SPATA16: variants seen among roughly 807,000 people sequenced by gnomAD.
SPATA16 encodes the protein spermatogenesis associated 16.
In SPATA16, 36 loss-of-function variants were observed where a neutral mutation model predicts 63.3. The observed-to-expected ratio is 0.57, with a 90% CI of 0.44 to 0.75. The LOEUF (loss-of-function observed/expected upper bound fraction) is 0.75. Ranked by LOEUF, SPATA16 falls within the 30% of genes least tolerant of loss-of-function variation. SPATA16 has a pLI of 0.00. For missense variants in SPATA16, 646 were observed against 679.3 expected, an observed-to-expected ratio of 0.95 and a Z score of 0.54; for synonymous variants, 203 against 216.7, an observed-to-expected ratio of 0.94 and a Z score of 0.56.
chr3:172,983,003 T>C (rs1256308720), intron 4 of SPATA16, among the ~76,000 whole-genome samples: 1 of 152,206 alleles, frequency 6.6e-6, no homozygotes, highest in African/African-American at 2.4e-5. Context: ...CCTTGAAAAG[T>C]CATTCCGTTC....
At chr3:173,119,860 G>T (rs1738010644) in intron 1 of SPATA16, among the ~76,000 whole-genome samples, 1 of 130,220 alleles carries the variant, frequency 7.7e-6, no homozygotes. Flanking sequence ...GGCCAAGGCA[G>T]GTGGATCATC....
intron 3 of SPATA16, among the ~76,000 whole-genome samples, chr3:173,023,749 T>C (rs1735389216): frequency 6.6e-6 from 1 of 151,620 alleles, no homozygotes; most frequent in Non-Finnish European, 1.5e-5. Context: ...TTTTAACTTT[T>C]TTAAAAAAAC....
intron 4 of SPATA16, among the ~76,000 whole-genome samples, chr3:172,983,842 G>A (rs915343082): frequency 2.4e-4 from 36 of 151,874 alleles, no homozygotes; most frequent in Non-Finnish European, 1.5e-4. Flanking sequence ...TTCCAAAAAC[G>A]TAAAGGAAAA....
intron 6 of SPATA16, among the ~76,000 whole-genome samples, chr3:172,952,801 AT>A (rs1036997345): frequency 3.3e-5 from 5 of 152,106 alleles, no homozygotes; most frequent in Admixed American, 3.3e-4. Context: ...TTAACTAGGC[AT>A]GGTGGCGTGC....
chr3:173,034,993 T>C (rs1161556732), intron 3 of SPATA16, among the ~76,000 whole-genome samples: 1 of 152,184 alleles, frequency 6.6e-6, no homozygotes, highest in African/African-American at 2.4e-5. Flanking sequence ...TCTCAACCTG[T>C]TGTGACTTGC....
chr3:173,044,665 A>G (rs1319710588), intron 3 of SPATA16, among the ~76,000 whole-genome samples: 6 of 151,980 alleles, frequency 3.9e-5, no homozygotes, highest in African/African-American at 1.2e-4. Flanking sequence ...ACTTCTTTGC[A>G]TGTGTGGTAA....
chr3:173,028,078 T>TTCCTTCCTTCCTTCCTTC (rs1560101151), intron 3 of SPATA16, among the ~76,000 whole-genome samples: 3 of 71,702 alleles, frequency 4.2e-5, no homozygotes, highest in Non-Finnish European at 8.1e-5. Flanking sequence ...TTCCTTCCTT[T>TTCCTTCCTTCCTTCCTTC]CTCTCTCTCT....
At chr3:173,042,206 G>T (rs1459449553) in intron 3 of SPATA16, among the ~76,000 whole-genome samples, 1 of 151,958 alleles carries the variant, frequency 6.6e-6, no homozygotes, top group Non-Finnish European at 1.5e-5. Flanking sequence ...GTTCAGAAGG[G>T]TATTTTATTT....
At chr3:172,950,371 G>C (rs2109617434) in intron 6 of SPATA16, among the ~76,000 whole-genome samples, 1 of 152,288 alleles carries the variant, frequency 6.6e-6, no homozygotes, top group East Asian at 1.9e-4. Context: ...CCCCATAGAT[G>C]AGGGATTTCT....
At chr3:172,996,958 T>G (rs1334819149) in intron 4 of SPATA16, among the ~76,000 whole-genome samples, 1 of 152,178 alleles carries the variant, frequency 6.6e-6, no homozygotes, top group Non-Finnish European at 1.5e-5. Context: ...TTTTCATGGC[T>G]TGAGAGCTCA....
At chr3:173,011,081 A>G (rs931674380) in intron 4 of SPATA16, among the ~76,000 whole-genome samples, 13 of 152,218 alleles carry the variant, frequency 8.5e-5, no homozygotes, top group African/African-American at 2.7e-4. Context: ...TCTCTAAGTT[A>G]TTCTACAAAA....
At chr3:173,114,856 A>C (rs1737852799) in intron 2 of SPATA16, among the ~76,000 whole-genome samples, 1 of 152,250 alleles carries the variant, frequency 6.6e-6, no homozygotes, top group African/African-American at 2.4e-5. Context: ...AAAAGAAAAG[A>C]AAGGCTGAAA....
At chr3:173,093,737 A>G (rs1350877683) in intron 2 of SPATA16, among the ~76,000 whole-genome samples, 1 of 152,182 alleles carries the variant, frequency 6.6e-6, no homozygotes, top group Admixed American at 6.5e-5. Flanking sequence ...ATATGCCAAA[A>G]TAGATAACCT....
chr3:173,025,610 A>G (rs1416479977), intron 3 of SPATA16, among the ~76,000 whole-genome samples: 1 of 151,746 alleles, frequency 6.6e-6, no homozygotes, highest in East Asian at 1.9e-4. Flanking sequence ...TTTTTAATCA[A>G]TTTTCTTCCC....
At chr3:173,095,838 A>G (rs1210497964) in intron 2 of SPATA16, among the ~76,000 whole-genome samples, 1 of 152,196 alleles carries the variant, frequency 6.6e-6, no homozygotes, top group Non-Finnish European at 1.5e-5. Flanking sequence ...ATTGGAGAAT[A>G]TTTTAGGTGA....
rs1732491696 is a variant in SPATA16, at chr3:172,916,481, C to T, written c.1339G>A (p.Gly447Arg). 6.2e-7 allele frequency: 1 copy of T among 1,613,532 alleles called. No individual in the cohort carries two copies. The highest frequency in any genetic ancestry group is 8.5e-7 in the Non-Finnish European group (1 of 1,179,576). ...LDFIRSTQLN[G>R]SFPASSGVME... ...ACACCTGAGGATGCAGGAAAACTCC[C>T]CTAGTCTCAAAGTAAAAGAAATGTT... is the stretch of plus-strand genomic sequence containing the variant. Residue 447 changes from glycine (G) to arginine (R), a missense_variant and splice_region_variant, in exon 9 of 11, where the codon GGG becomes AGG. Gly to Arg is a moderately radical substitution (Grantham distance 125). Coordinates refer to ENST00000351008, the MANE Select transcript of SPATA16 (RefSeq NM_031955.6).
chr3:172,926,367 A>G lies in SPATA16; in HGVS notation c.1082-875T>C, dbSNP rs184061867. 2.0e-5 allele frequency among the ~76,000 whole-genome samples: 3 copies of G among 152,364 alleles called. No individual in the cohort carries two copies. In the East Asian group the frequency reaches 5.8e-4, roughly 29 times the overall value. ...ACAGACTCAATTCTTAATGACTGTA[A>G]GAGCTAATATTTACTGAGTACTTAT... On this transcript the variant is annotated intron_variant, in intron 6 of 10. Coordinates refer to ENST00000351008, the MANE Select transcript of SPATA16 (RefSeq NM_031955.6).
intron 10 of SPATA16, among the ~76,000 whole-genome samples, chr3:172,902,113 C>A (rs538217171): frequency 3.0e-4 from 46 of 152,328 alleles, no homozygotes; most frequent in African/African-American, 1.0e-3. Context: ...TCTCGGCTCA[C>A]TGAAACCTCC....
rs187675635 is a variant in SPATA16, at chr3:173,085,597, T to G, written c.612+31523A>C. Among the ~76,000 whole-genome samples the G allele has an allele frequency of 2.0e-4, 31 of 152,276 alleles. No homozygotes were observed. In the East Asian group the frequency reaches 5.8e-3, roughly 28 times the overall value. ...GAGGGCATCCTTGTCTTGTGCTGGTTTTCAAGGGGAATGCTTCCAGCTTTT... is the reference window on the plus strand; with the variant it reads ...GAGGGCATCCTTGTCTTGTGCTGGTGTTCAAGGGGAATGCTTCCAGCTTTT... On this transcript the variant is annotated intron_variant, in intron 2 of 10. Transcript: ENST00000351008.
Sources: gnomAD v4.1 joint callset for allele counts (sites outside exome capture counted in the v4.1 genomes callset) on GRCh38, gnomAD v4.1.1 for gene constraint, MANE v1.5 for transcripts, NCBI Gene and HGNC (gene_info 2026-07-23, HGNC 2026-07-21) for gene names.